The following GARIN1B variants were observed in gnomAD, a reference collection of about 807,000 sequenced individuals.
The protein encoded by GARIN1B is Golgi-associated RAB2 interactor protein 1B.
chr7:128,723,387 T>C, the GARIN1B span: 4 of 1,563,770 alleles, frequency 2.6e-6, no homozygotes, highest in Non-Finnish European at 3.5e-6. Context: ...GGCTGTGAGA[T>C]CCAGAAACCA....
At chr7:128,710,770 C>T in the GARIN1B span, among the ~76,000 whole-genome samples, 6 of 151,834 alleles carry the variant, frequency 4.0e-5, no homozygotes, top group African/African-American at 1.5e-4. Flanking sequence ...CCGCAACCTC[C>T]GCCTCCCTGA....
the GARIN1B span, among the ~76,000 whole-genome samples, chr7:128,709,881 A>G: frequency 6.6e-6 from 1 of 151,528 alleles, no homozygotes; most frequent in South Asian, 2.1e-4. Flanking sequence ...CCTCCTGAGT[A>G]GCTGGGATTA....
At chr7:128,722,057 C>T in the GARIN1B span, among the ~76,000 whole-genome samples, 3 of 152,192 alleles carry the variant, frequency 2.0e-5, no homozygotes, top group African/African-American at 7.2e-5. Context: ...AGATATTGGT[C>T]TGTAATTTTC....
chr7:128,715,598 G>C, the GARIN1B span: 3 of 1,614,176 alleles, frequency 1.9e-6, no homozygotes, highest in East Asian at 4.5e-5. Context: ...AGCGGGCCTA[G>C]GTGTGGAGGA....
the GARIN1B span, among the ~76,000 whole-genome samples, chr7:128,726,172 T>G: frequency 0.025 from 3,846 of 152,308 alleles, 157 homozygotes; most frequent in African/African-American, 0.087. Context: ...CTTAGCAGCA[T>G]TTTAAACAGG....
the GARIN1B span, among the ~76,000 whole-genome samples, chr7:128,730,625 A>G: frequency 1.1e-4 from 16 of 151,564 alleles, no homozygotes; most frequent in African/African-American, 3.9e-4. Flanking sequence ...TGTTTTCTAA[A>G]GTAAAATGTC....
At chr7:128,717,601 C>G in the GARIN1B span, among the ~76,000 whole-genome samples, 1 of 151,680 alleles carries the variant, frequency 6.6e-6, no homozygotes, top group Non-Finnish European at 1.5e-5. Flanking sequence ...TGCCTGCCAC[C>G]ACACCTGGAT....
chr7:128,719,257 T>G, the GARIN1B span, among the ~76,000 whole-genome samples: 1 of 152,154 alleles, frequency 6.6e-6, no homozygotes, highest in South Asian at 2.1e-4. Context: ...TTTATTGTTT[T>G]ATAATTGTTT....
the GARIN1B span, chr7:128,723,088 C>A: frequency 7.4e-7 from 1 of 1,356,420 alleles, no homozygotes; most frequent in East Asian, 2.5e-5. Flanking sequence ...TGTGGCTGCA[C>A]TTTGGAAAAT....
the GARIN1B span, among the ~76,000 whole-genome samples, chr7:128,711,874 C>G: frequency 2.6e-5 from 4 of 152,136 alleles, no homozygotes; most frequent in African/African-American, 9.7e-5. Context: ...AACCCCGTCT[C>G]TACTAAAAAT....
chr7:128,718,855 G>C, the GARIN1B span: 1 of 1,614,136 alleles, frequency 6.2e-7, no homozygotes, highest in Non-Finnish European at 8.5e-7. Context: ...GGTTTGTGGA[G>C]CTCCAGGTAT....
the GARIN1B span, chr7:128,729,796 G>C: frequency 1.7e-6 from 2 of 1,211,842 alleles, no homozygotes; most frequent in African/African-American, 3.0e-5. Context: ...GTAATTGTTT[G>C]GAATGGTGCC....
the GARIN1B span, among the ~76,000 whole-genome samples, chr7:128,724,459 T>C: frequency 6.6e-6 from 1 of 152,200 alleles, no homozygotes; most frequent in Non-Finnish European, 1.5e-5. Flanking sequence ...ATCGTTTTCT[T>C]AATATAGAGT....
the GARIN1B span, among the ~76,000 whole-genome samples, chr7:128,710,973 C>T: frequency 1.3e-5 from 2 of 152,058 alleles, no homozygotes; most frequent in Non-Finnish European, 2.9e-5. Flanking sequence ...TTTCTTGTTT[C>T]TTTGCTTACC....
the GARIN1B span, chr7:128,718,973 C>G: frequency 4.3e-6 from 7 of 1,614,202 alleles, no homozygotes; most frequent in African/African-American, 1.3e-5. Flanking sequence ...CTGGATCCGA[C>G]TGGTTCAAAT....
At chr7:128,729,938 C>T in the GARIN1B span, 9 of 1,614,204 alleles carry the variant, frequency 5.6e-6, no homozygotes, top group East Asian at 1.6e-4. Flanking sequence ...ATCCCTTGCA[C>T]CTGTGACCTA....
the GARIN1B span, among the ~76,000 whole-genome samples, chr7:128,712,196 G>T: frequency 6.6e-6 from 1 of 152,166 alleles, no homozygotes; most frequent in Non-Finnish European, 1.5e-5. Context: ...AAGCTTCAGG[G>T]CCTCTAATTC....
At chr7:128,719,945 C>T in the GARIN1B span, among the ~76,000 whole-genome samples, 18 of 151,860 alleles carry the variant, frequency 1.2e-4, no homozygotes, top group Non-Finnish European at 2.5e-4. Context: ...GGTGATCCAC[C>T]CACCTCGGCC....
At chr7:128,728,328 G>A in the GARIN1B span, among the ~76,000 whole-genome samples, 1 of 152,092 alleles carries the variant, frequency 6.6e-6, no homozygotes, top group East Asian at 1.9e-4. Flanking sequence ...TGTAGTCCCA[G>A]CTACTCGGGA....
Sources: allele counts gnomAD v4.1 joint callset (sites outside exome capture counted in the v4.1 genomes callset), GRCh38; gene constraint gnomAD v4.1.1; transcripts MANE v1.5; gene names NCBI Gene and HGNC (gene_info 2026-07-23, HGNC 2026-07-21).